Variants in GPHN observed in about 807,000 individuals in gnomAD.
GPHN encodes the protein gephyrin.
GPHN carries 17 observed loss-of-function variants against 95.5 expected under a neutral mutation model. The observed-to-expected ratio is 0.18, with a 90% CI of 0.12 to 0.27. GPHN has a LOEUF of 0.27. Ranked by LOEUF, GPHN falls within the 10% of genes least tolerant of loss-of-function variation. The pLI is 1.00. For synonymous variants in GPHN, 320 were observed against 322.5 expected, an observed-to-expected ratio of 0.99 and a Z score of 0.08; for missense variants, 660 against 978.1, an observed-to-expected ratio of 0.67 and a Z score of 4.34.
At chr14:66,661,984 C>G (rs1656173824) in intron 1 of GPHN, among the ~76,000 whole-genome samples, 1 of 152,186 alleles carries the variant, frequency 6.6e-6, no homozygotes, top group African/African-American at 2.4e-5. Flanking sequence ...TCCAGTCACT[C>G]CCATGGATGT....
At chr14:67,061,104 C>T (rs1048111821) in intron 11 of GPHN, among the ~76,000 whole-genome samples, 3 of 151,922 alleles carry the variant, frequency 2.0e-5, no homozygotes, top group East Asian at 1.9e-4. Flanking sequence ...TGCAATGGCA[C>T]GATCTCGGTT....
the GPHN span, chr14:67,617,302 T>C: frequency 2.0e-5 from 3 of 152,292 alleles, no homozygotes; most frequent in Non-Finnish European, 4.4e-5. Flanking sequence ...TTTTGTTTTT[T>C]TAAGACTAGT....
At chr14:67,587,219 G>A in the GPHN span, 1 of 1,613,780 alleles carries the variant, frequency 6.2e-7, no homozygotes, top group Non-Finnish European at 8.5e-7. Flanking sequence ...GCTACCAAGG[G>A]GCCAACGTTG....
At chr14:66,595,281 A>G (rs1045465627) in intron 1 of GPHN, among the ~76,000 whole-genome samples, 7 of 152,222 alleles carry the variant, frequency 4.6e-5, no homozygotes, top group African/African-American at 1.7e-4. Flanking sequence ...ATGTCATCCA[A>G]CAATTTTACT....
the GPHN span, among the ~76,000 whole-genome samples, chr14:67,444,613 G>A: frequency 1.4e-4 from 22 of 152,278 alleles, no homozygotes; most frequent in African/African-American, 4.8e-4. Context: ...TTATGCTAAT[G>A]AGGTAACTCA....
At chr14:66,559,821 G>C (rs369874587) in intron 1 of GPHN, among the ~76,000 whole-genome samples, 2 of 151,978 alleles carry the variant, frequency 1.3e-5, no homozygotes, top group Non-Finnish European at 2.9e-5. Flanking sequence ...GCCCATGTCT[G>C]TGTCCTGAAT....
At chr14:67,469,946 A>G in the GPHN span, among the ~76,000 whole-genome samples, 3 of 152,154 alleles carry the variant, frequency 2.0e-5, no homozygotes, top group African/African-American at 7.2e-5. Flanking sequence ...CTCATGGGCA[A>G]CTGCAGCCAA....
the GPHN span, among the ~76,000 whole-genome samples, chr14:67,401,436 C>T: frequency 6.6e-6 from 1 of 152,040 alleles, no homozygotes; most frequent in Admixed American, 6.6e-5. Context: ...TGCTGGGGCC[C>T]AGGAGGTTAA....
the GPHN span, among the ~76,000 whole-genome samples, chr14:67,193,559 C>A: frequency 1.1e-4 from 15 of 139,592 alleles, no homozygotes; most frequent in Non-Finnish European, 1.9e-4. Context: ...ATATATAGAT[C>A]TATATCTATA....
chr14:67,083,233 C>A (rs3784076), intron 11 of GPHN, among the ~76,000 whole-genome samples: 2 of 151,772 alleles, frequency 1.3e-5, no homozygotes, highest in Non-Finnish European at 2.9e-5. Flanking sequence ...ATCTATGCCC[C>A]CCCCCCTCCA....
chr14:67,569,167 G>A, the GPHN span: 113 of 1,612,868 alleles, frequency 7.0e-5, 2 homozygotes, highest in South Asian at 9.0e-4. Flanking sequence ...TGGCCACATC[G>A]GGCATGCGGC....
chr14:66,536,640 A>C (rs1298895177), intron 1 of GPHN, among the ~76,000 whole-genome samples: 1 of 152,142 alleles, frequency 6.6e-6, no homozygotes, highest in Non-Finnish European at 1.5e-5. Flanking sequence ...TTTCATGTGT[A>C]CTTGAATTGG....
At chr14:66,561,872 C>G (rs575674906) in intron 1 of GPHN, among the ~76,000 whole-genome samples, 1 of 152,032 alleles carries the variant, frequency 6.6e-6, no homozygotes, top group Non-Finnish European at 1.5e-5. Context: ...TCTGGGGGCT[C>G]GCAGGGAGAA....
intron 16 of GPHN, among the ~76,000 whole-genome samples, chr14:67,119,573 T>G (rs2078891847): frequency 6.6e-6 from 1 of 152,124 alleles, no homozygotes; most frequent in Non-Finnish European, 1.5e-5. Context: ...GCGGATCACC[T>G]GAGGTCAGGA....
the GPHN span, among the ~76,000 whole-genome samples, chr14:67,456,353 T>C: frequency 3.3e-5 from 5 of 152,148 alleles, no homozygotes; most frequent in African/African-American, 9.6e-5. Flanking sequence ...AAATCCCCAG[T>C]GCTTTGGGAG....
chr14:66,522,836 C>A (rs1329851338), intron 1 of GPHN, among the ~76,000 whole-genome samples: 1 of 149,874 alleles, frequency 6.7e-6, no homozygotes, highest in Non-Finnish European at 1.5e-5. Flanking sequence ...TGAATATATT[C>A]TTATTTGATT....
the GPHN span, among the ~76,000 whole-genome samples, chr14:67,501,890 A>G: frequency 1.3e-5 from 2 of 152,216 alleles, no homozygotes; most frequent in African/African-American, 2.4e-5. Flanking sequence ...GAATATTCAT[A>G]CTGTGCAATG....
chr14:66,678,261 A>G (rs1167836253), intron 1 of GPHN, among the ~76,000 whole-genome samples: 2 of 142,724 alleles, frequency 1.4e-5, no homozygotes, highest in Non-Finnish European at 3.0e-5. Context: ...CATGTCATGT[A>G]GGTTTATTCA....
chr14:67,370,582 A>G, the GPHN span, among the ~76,000 whole-genome samples: 15 of 152,232 alleles, frequency 9.9e-5, no homozygotes, highest in Non-Finnish European at 1.3e-4. Flanking sequence ...ATCATTACCA[A>G]TTTTATGCCA....
Sources: allele counts gnomAD v4.1 joint callset (sites outside exome capture counted in the v4.1 genomes callset), GRCh38; gene constraint gnomAD v4.1.1; transcripts MANE v1.5; gene names NCBI Gene and HGNC (gene_info 2026-07-23, HGNC 2026-07-21).